TOP2A: variants seen among roughly 807,000 people sequenced by gnomAD.
TOP2A encodes the protein DNA topoisomerase 2-alpha.
TOP2A carries 68 observed loss-of-function variants against 187.2 expected under a neutral mutation model. The ratio of observed to expected loss-of-function variants is 0.36; its 90% CI spans 0.30 to 0.44. TOP2A has a LOEUF of 0.44. TOP2A is among the 20% of genes least tolerant of loss of function. The probability of loss-of-function intolerance (pLI) is 1.00; values close to 1 mark genes in which losing one functional copy is unlikely to be tolerated. For synonymous variants in TOP2A, 542 were observed against 593.2 expected (o/e 0.91, Z 1.25); for missense variants, 1,196 against 1,808.7 (o/e 0.66, Z 6.14).
chr17:40,412,593 G>A (rs181382062), intron 7 of TOP2A, among the ~76,000 whole-genome samples, 166 bp downstream of exon 7: 2 of 152,284 alleles, frequency 1.3e-5, no homozygotes, highest in African/African-American at 2.4e-5. Flanking sequence ...GCGGTGAGCC[G>A]AGATCGTGCC....
At chr17:40,413,069 ATGCT>A (rs1302181297) in intron 6 of TOP2A, 98 bp from the exon 7 acceptor site, 2 of 1,274,464 alleles carry the variant, frequency 1.6e-6, no homozygotes, top group Non-Finnish European at 2.2e-6. Flanking sequence ...CCTAATATAT[ATGCT>A]TATAATTTTC....
chr17:40,390,004 A>G lies in TOP2A; in HGVS notation c.4428T>C (p.Ser1476=). 6.2e-7 allele frequency: 1 copy of G among 1,613,916 alleles called. No homozygotes were observed. Among genetic ancestry groups the G allele is most frequent in the Non-Finnish European group, 8.5e-7 (1 of 1,179,864 alleles). The stretch of plus-strand genomic sequence containing the variant: ...CTTTCGAAACAATTTTCTCAAAATT[A>G]GAGTCAGAATCATCAGAAGTGGATG... ...RKPSTSDDSD[S]NFEKIVSKAV... is the part of the protein sequence containing the mutation. The change falls in exon 34 of 35, where the codon TCT becomes TCC. Residue 1476 remains serine, a synonymous_variant. Transcript: ENST00000423485.
In TOP2A at chr17:40,413,194, C is replaced by T; in HGVS notation, c.576+1G>A. Reference sequence around the variant, plus strand: ...AAGGTACAAGACACTTATTTACTTGCCTGTTTGAACATTTTCTTGTATTCT... The same window carrying T: ...AAGGTACAAGACACTTATTTACTTGTCTGTTTGAACATTTTCTTGTATTCT... On this transcript the variant is annotated splice_donor_variant, in intron 6 of 34. Coordinates refer to ENST00000423485, the MANE Select transcript of TOP2A (RefSeq NM_001067.4). LOFTEE classifies it high-confidence loss of function. 6.4e-6 allele frequency: 10 copies of T among 1,551,340 alleles called. No individual in the cohort carries two copies. The highest frequency in any genetic ancestry group is 8.7e-6 in the Non-Finnish European group (10 of 1,144,848).
chr17:40,399,248 T>C, intron 24 of TOP2A, 117 bp from the exon 25 acceptor site: 2 of 725,224 alleles, frequency 2.8e-6, no homozygotes, highest in South Asian at 1.8e-5. Context: ...CGTGCTTGCA[T>C]AAATTTGTAT....
intron 19 of TOP2A, 67 bp downstream of exon 19, chr17:40,404,085 G>C: frequency 6.4e-7 from 1 of 1,572,328 alleles, no homozygotes; most frequent in South Asian, 1.2e-5. Flanking sequence ...CACCAAATCT[G>C]TTTTGAGAAT....
Position 40,390,143 on chromosome 17 carries a change from G to A in TOP2A, c.4289C>T (p.Thr1430Ile), listed in dbSNP as rs1314425701. The A allele has an allele frequency of 6.2e-7, 1 of 1,612,578 alleles. No homozygotes were observed. The highest frequency in any genetic ancestry group is 1.7e-5 in the Admixed American group (1 of 59,612). Residue 1430 changes from threonine to isoleucine, a missense_variant, in exon 34 of 35, where the codon ACC (threonine) becomes ATC (isoleucine). Thr to Ile is a moderately conservative substitution (Grantham distance 89). Coordinates refer to ENST00000423485, the MANE Select transcript of TOP2A (RefSeq NM_001067.4). ...AAKSQSSTSTTGAKKRAAPKG... is the reference protein window; with the variant it reads ...AAKSQSSTSTIGAKKRAAPKG... Reference sequence around the variant, plus strand: ...TGGGGCAGCCCTTTTTTTGGCACCGGTAGTGGAGGTGGAAGACTGACCTGC... The same window carrying A: ...TGGGGCAGCCCTTTTTTTGGCACCGATAGTGGAGGTGGAAGACTGACCTGC...
At position 40,411,858 on chromosome 17, in the gene TOP2A, T is replaced by TA. The variant is rs758889993; in HGVS notation, c.790-41dup. ...AAGGTAACAGTATTAAGAAAGTTATTAAAAAATAGGTTCAATGATAGACTA... is the reference window on the plus strand; with the variant it reads ...AAGGTAACAGTATTAAGAAAGTTATTAAAAAAATAGGTTCAATGATAGACTA... On this transcript the variant is annotated intron_variant, in intron 7 of 34. Transcript: ENST00000423485. The surrounding 1 kb of genome is among the most constrained non-coding windows in gnomAD (Gnocchi z 4.4). 3.7e-5 allele frequency: 55 copies of TA among 1,498,520 alleles called. No homozygotes were observed. Among genetic ancestry groups the TA allele is most frequent in the Admixed American group, 6.9e-5 (3 of 43,224 alleles). 92.8% of individuals were successfully genotyped at this position (1,498,520 alleles called of 1,614,324 possible). A position where few individuals can be genotyped will look rare whatever the true frequency, so the allele number is the denominator to read the frequency against.
intron 28 of TOP2A, 122 bp from the exon 29 acceptor site, chr17:40,395,661 C>T (rs551299073): frequency 1.9e-4 from 105 of 561,178 alleles, no homozygotes; most frequent in African/African-American, 1.4e-3. Context: ...TTTGGGAGGC[C>T]GTGGTGGGCA....
Position 40,390,112 on chromosome 17 carries a change from T to A in TOP2A, c.4320A>T (p.Gly1440=). 1 of 1,613,798 alleles carries A rather than the reference T, an allele frequency of 6.2e-7. No individual in the cohort carries two copies. The highest frequency in any genetic ancestry group is 2.2e-5 in the East Asian group (1 of 44,888). Residue 1440 remains glycine (G), a synonymous_variant, in exon 34 of 35, where the codon GGA becomes GGT. Coordinates refer to ENST00000423485, the MANE Select transcript of TOP2A (RefSeq NM_001067.4). ...AATTCAAAGCTGGATCCCTTTTAGT[T>A]CCTTTTGGGGCAGCCCTTTTTTTGG... The part of the protein sequence containing the change: ...TGAKKRAAPK[G]TKRDPALNSG...
chr17:40,413,187 T>G lies in TOP2A; in HGVS notation c.576+8A>C. Reference sequence around the variant, plus strand: ...TATCATTAAGGTACAAGACACTTATTTACTTGCCTGTTTGAACATTTTCTT... The same window carrying G: ...TATCATTAAGGTACAAGACACTTATGTACTTGCCTGTTTGAACATTTTCTT... On this transcript the variant is annotated splice_region_variant and intron_variant, in intron 6 of 34. Transcript: ENST00000423485. 6.5e-7 allele frequency: 1 copy of G among 1,543,866 alleles called. No individual in the cohort carries two copies. Among genetic ancestry groups the G allele is most frequent in the Non-Finnish European group, 8.8e-7 (1 of 1,138,742 alleles).
chr17:40,397,378 T>C (rs1598610436), intron 27 of TOP2A, among the ~76,000 whole-genome samples: 2 of 151,590 alleles, frequency 1.3e-5, no homozygotes, highest in East Asian at 3.9e-4. Flanking sequence ...TTCTGCCTTC[T>C]GGGTTCAAGC....
At position 40,413,669 on chromosome 17, in the gene TOP2A, C is replaced by T. The variant is rs182023725; in HGVS notation, c.333-44G>A. 3.2e-4 allele frequency: 301 copies of T among 950,170 alleles called. No homozygotes were observed. The East Asian group carries it at 4.1e-3, about 13-fold the overall frequency. 58.9% of individuals were successfully genotyped at this position (950,170 alleles called of 1,614,324 possible). On this transcript the variant is annotated intron_variant, in intron 4 of 34. Coordinates refer to ENST00000423485, the MANE Select transcript of TOP2A (RefSeq NM_001067.4). The stretch of plus-strand genomic sequence containing the variant: ...AAATTGTATTTTACAACACATTAAA[C>T]GAATGCTTAACATTTAAAAATATTT...
rs1463181871 is a variant in TOP2A, at chr17:40,389,395, T to G, written c.*124A>C. ...ACACTTGGGCTTTACTTCACTTTGA[T>G]GTCTTGTACTAAAAACACCTTCCCC... On this transcript the variant is annotated 3_prime_UTR_variant, in exon 35 of 35. Coordinates refer to ENST00000423485, the MANE Select transcript of TOP2A (RefSeq NM_001067.4). The G allele has an allele frequency of 5.5e-6, 6 of 1,081,916 alleles. No homozygotes were observed. Among genetic ancestry groups the G allele is most frequent in the Non-Finnish European group, 7.8e-6 (6 of 772,664 alleles). 67.0% of individuals were successfully genotyped at this position (1,081,916 alleles called of 1,614,324 possible).
At chr17:40,408,682 A>G in intron 10 of TOP2A, 52 bp from the exon 11 acceptor site, 2 of 1,564,120 alleles carry the variant, frequency 1.3e-6, no homozygotes, top group South Asian at 1.1e-5. Context: ...GAAGGGATCT[A>G]TCAGAAATCT....
chr17:40,391,961 TTTA>T, intron 32 of TOP2A, 104 bp downstream of exon 32: 1 of 1,272,624 alleles, frequency 7.9e-7, no homozygotes. Flanking sequence ...AGAACTCAAA[TTTA>T]TTTCCAAAGG....
intron 27 of TOP2A, among the ~76,000 whole-genome samples, chr17:40,397,635 C>A (rs181202679): frequency 1.3e-3 from 200 of 152,118 alleles, no homozygotes; most frequent in African/African-American, 4.2e-3. Flanking sequence ...GGTCTTCTTC[C>A]ACATTTAGGC....
chr17:40,411,339 G>T lies in TOP2A; in HGVS notation c.1065+15C>A, dbSNP rs2035319263. The T allele has an allele frequency of 2.5e-6, 4 of 1,612,632 alleles. No homozygotes were observed. The highest frequency in any genetic ancestry group is 2.5e-6 in the Non-Finnish European group (3 of 1,179,226). Reference sequence around the variant, plus strand: ...TCCTTGACTTTAGAAAAAGAAAACTGCCAAAAGCACATACCTGATGTGCTT... The same window carrying T: ...TCCTTGACTTTAGAAAAAGAAAACTTCCAAAAGCACATACCTGATGTGCTT... On this transcript the variant is annotated intron_variant, in intron 9 of 34. Transcript: ENST00000423485. The surrounding 1 kb of genome is among the most constrained non-coding windows in gnomAD (Gnocchi z 4.4).
At position 40,390,595 on chromosome 17, in the gene TOP2A, CAG is replaced by C. The variant is rs568679658; in HGVS notation, c.4268-433_4268-432del. Among the ~76,000 whole-genome samples, 63 of 151,364 alleles carry C rather than the reference CAG, an allele frequency of 4.2e-4. 1 individual carries two copies. In the South Asian group the frequency reaches 0.013, roughly 32 times the overall value. ...AAAGACAATCTAAGAGAGGTGAAAA[CAG>C]AGAATCAAAGTATTCTTAAACATTC... On this transcript the variant is annotated intron_variant, in intron 33 of 34. Transcript: ENST00000423485.
chr17:40,415,255 C>T (rs979655365), intron 4 of TOP2A, among the ~76,000 whole-genome samples: 4 of 151,958 alleles, frequency 2.6e-5, no homozygotes, highest in Admixed American at 6.6e-5. Flanking sequence ...AGGGTTTCAC[C>T]GTGTTAGCCA....
Sources: gnomAD v4.1 joint callset for allele counts (sites outside exome capture counted in the v4.1 genomes callset) on GRCh38, gnomAD v4.1.1 for gene constraint, Gnocchi (gnomAD v3.1) non-coding constraint, MANE v1.5 for transcripts, NCBI Gene and HGNC (gene_info 2026-07-23, HGNC 2026-07-21) for gene names.